The following UGT1A4 variants were observed in gnomAD, a reference collection of about 807,000 sequenced individuals.
UGT1A4 encodes UDP glucuronosyltransferase family 1 member A4.
In UGT1A4, 32 loss-of-function variants were observed where a neutral mutation model predicts 41.1. The observed-to-expected ratio is 0.78, with a 90% confidence interval of 0.59 to 1.05. UGT1A4 has a LOEUF of 1.05. Ranked by LOEUF, UGT1A4 falls within the 50% of genes least tolerant of loss-of-function variation. The pLI is 0.00. For missense variants in UGT1A4, 748 were observed against 677.4 expected, an observed-to-expected ratio of 1.10 and a Z score of -1.16; for synonymous variants, 283 against 265.1, an observed-to-expected ratio of 1.07 and a Z score of -0.66.
At chr2:233,726,073 G>A (rs2077498872) in intron 1 of UGT1A4, among the ~76,000 whole-genome samples, 1 of 152,190 alleles carries the variant, frequency 6.6e-6, no homozygotes, top group Non-Finnish European at 1.5e-5. Context: ...GGCTGAGGCA[G>A]GAGGATTACT....
At chr2:233,738,152 A>T (rs1172003617) in intron 1 of UGT1A4, among the ~76,000 whole-genome samples, 1 of 152,050 alleles carries the variant, frequency 6.6e-6, no homozygotes, top group African/African-American at 2.4e-5. Flanking sequence ...CTTGCAAGCT[A>T]TTCCTCTTTC....
At chr2:233,747,833 C>T (rs1236031323) in intron 1 of UGT1A4, 1 of 1,613,530 alleles carries the variant, frequency 6.2e-7, no homozygotes, top group Non-Finnish European at 8.5e-7. Context: ...ACATGACATT[C>T]CTGCAAAGGG....
At chr2:233,737,627 C>T (rs979960494) in intron 1 of UGT1A4, among the ~76,000 whole-genome samples, 1 of 152,190 alleles carries the variant, frequency 6.6e-6, no homozygotes, top group African/African-American at 2.4e-5. Flanking sequence ...AGAAATCATC[C>T]ATCTTCTGCG....
chr2:233,755,990 C>G (rs1406862229), intron 1 of UGT1A4: 1 of 152,186 alleles, frequency 6.6e-6, no homozygotes, highest in East Asian at 1.9e-4. Context: ...CTCATGTCAG[C>G]TTCTGCATTC....
Position 233,719,515 on chromosome 2 carries a change from C to A in UGT1A4, c.695C>A (p.Ala232Glu), listed in dbSNP as rs764297894. The A allele has an allele frequency of 1.9e-6, 3 of 1,613,962 alleles. No individual in the cohort carries two copies. In the Admixed American group the frequency reaches 5.0e-5, roughly 27 times the overall value. Residue 232 changes from alanine to glutamate, a missense_variant, in exon 1 of 5, where the codon GCA (alanine) becomes GAA (glutamate). By Grantham distance (107) the Ala-to-Glu change is moderately radical. Coordinates refer to ENST00000373409, the MANE Select transcript of UGT1A4 (RefSeq NM_007120.3). ...TGCCATACTTTTTCTGCCCCTTATG[C>A]AAGTCTTGCCTCTGAGCTTTTTCAG... ...YICHTFSAPY[A>E]SLASELFQRE...
chr2:233,729,652 A>T, intron 1 of UGT1A4: 1 of 1,613,890 alleles, frequency 6.2e-7, no homozygotes, highest in Non-Finnish European at 8.5e-7. Flanking sequence ...TTTGAGGAAC[A>T]TTCCATGTGA....
chr2:233,761,002 C>G, intron 1 of UGT1A4: 3 of 1,614,176 alleles, frequency 1.9e-6, no homozygotes, highest in Non-Finnish European at 2.5e-6. Flanking sequence ...AGAATTCCTT[C>G]AGAGAGAGGT....
At chr2:233,742,512 C>T (rs924249262) in intron 1 of UGT1A4, among the ~76,000 whole-genome samples, 15 of 151,990 alleles carry the variant, frequency 9.9e-5, no homozygotes, top group African/African-American at 3.6e-4. Context: ...ATCATGAACA[C>T]GTCACAGTGC....
At chr2:233,740,865 T>C (rs1159264843) in intron 1 of UGT1A4, 1 of 151,874 alleles carries the variant, frequency 6.6e-6, no homozygotes, top group Admixed American at 6.5e-5. Flanking sequence ...AAAAATTCTT[T>C]AAATAAAATG....
At chr2:233,756,974 T>G (rs1036999646) in intron 1 of UGT1A4, among the ~76,000 whole-genome samples, 2 of 151,942 alleles carry the variant, frequency 1.3e-5, no homozygotes, top group African/African-American at 4.8e-5. Flanking sequence ...AAGCACGCAA[T>G]GAACAGTCAT....
At chr2:233,725,719 T>C (rs1457326053) in intron 1 of UGT1A4, among the ~76,000 whole-genome samples, 1 of 152,208 alleles carries the variant, frequency 6.6e-6, no homozygotes, top group Non-Finnish European at 1.5e-5. Context: ...TACCATATGG[T>C]CAATGTTTAC....
At chr2:233,746,495 C>G (rs536618082) in intron 1 of UGT1A4, among the ~76,000 whole-genome samples, 12 of 151,904 alleles carry the variant, frequency 7.9e-5, no homozygotes, top group Admixed American at 4.6e-4. Context: ...ACATGTCACT[C>G]TTTAGTAGCC....
chr2:233,748,077 C>T, intron 1 of UGT1A4: 1 of 1,613,256 alleles, frequency 6.2e-7, no homozygotes, highest in Non-Finnish European at 8.5e-7. Flanking sequence ...GCCACTATCT[C>T]AGGTCGGTGT....
intron 1 of UGT1A4, among the ~76,000 whole-genome samples, chr2:233,731,284 C>CT (rs78127606): frequency 0.055 from 7,668 of 139,746 alleles, 279 homozygotes; most frequent in African/African-American, 0.086. Flanking sequence ...GTTTTTCTTT[C>CT]TTTTTTTTTT....
intron 1 of UGT1A4, among the ~76,000 whole-genome samples, chr2:233,744,247 T>C (rs1227654990): frequency 1.3e-5 from 2 of 151,818 alleles, no homozygotes; most frequent in Non-Finnish European, 2.9e-5. Flanking sequence ...TTTGGCTGCC[T>C]GAAGAACTGT....
intron 1 of UGT1A4, among the ~76,000 whole-genome samples, chr2:233,733,416 G>A (rs570726599): frequency 2.1e-4 from 32 of 152,222 alleles, no homozygotes; most frequent in African/African-American, 7.5e-4. Context: ...TCCAGTTTTC[G>A]CCTACTCAGT....
At chr2:233,729,480 C>A in intron 1 of UGT1A4, 2 of 1,614,162 alleles carry the variant, frequency 1.2e-6, no homozygotes. Flanking sequence ...CAATGTTGAA[C>A]AATATGTCTT....
chr2:233,739,185 T>C (rs1265092555), intron 1 of UGT1A4: 3 of 152,264 alleles, frequency 2.0e-5, no homozygotes, highest in Admixed American at 2.0e-4. Context: ...AATGCTTGGA[T>C]GTCCAGGCAG....
At position 233,755,083 on chromosome 2, in the gene UGT1A4, C is replaced by T. The variant is rs755765570; in HGVS notation, c.868-11951C>T. ...GCCTCGCCATAGCGGTCATAGATAT[C>T]GCGTTTCTACGCGTCCGACAACACC... On this transcript the variant is annotated intron_variant, in intron 1 of 4. Transcript: ENST00000373409. The T allele has an allele frequency of 3.0e-6, 4 of 1,335,262 alleles. No individual in the cohort carries two copies. In the South Asian group the frequency reaches 3.4e-5, roughly 11 times the overall value. 82.7% of individuals were successfully genotyped at this position (1,335,262 alleles called of 1,614,324 possible). A position where few individuals can be genotyped will look rare whatever the true frequency, so the allele number is the denominator to read the frequency against.
Sources: gnomAD v4.1 joint callset for allele counts (sites outside exome capture counted in the v4.1 genomes callset) on GRCh38, gnomAD v4.1.1 for gene constraint, MANE v1.5 for transcripts, NCBI Gene and HGNC (gene_info 2026-07-23, HGNC 2026-07-21) for gene names.